Variants in PEAK1 observed in about 807,000 individuals in gnomAD.
PEAK1 encodes the protein inactive tyrosine-protein kinase PEAK1.
PEAK1 carries 54 observed loss-of-function variants against 124.7 expected under a neutral mutation model. That is an observed-to-expected ratio of 0.43 (90% CI 0.35 to 0.54). PEAK1 has a LOEUF of 0.54. PEAK1 is among the 20% of genes least tolerant of loss of function. The pLI is 0.01. For missense variants in PEAK1, 2,046 were observed against 2,134.5 expected (o/e 0.96, Z 0.82); for synonymous variants, 719 against 760.0 (o/e 0.95, Z 0.89).
At chr15:77,376,938 A>G (rs1430100721) in intron 1 of PEAK1, among the ~76,000 whole-genome samples, 1 of 152,222 alleles carries the variant, frequency 6.6e-6, no homozygotes, top group Non-Finnish European at 1.5e-5. Context: ...CATTGTGCAA[A>G]CATCGTAGAC....
chr15:77,323,259 CAT>C (rs1339179573), intron 2 of PEAK1, among the ~76,000 whole-genome samples: 9 of 152,052 alleles, frequency 5.9e-5, no homozygotes, highest in Admixed American at 5.9e-4. Flanking sequence ...TCCTATTCAA[CAT>C]AGTGTTGGAA....
intron 1 of PEAK1, among the ~76,000 whole-genome samples, chr15:77,387,207 A>G (rs1307537339): frequency 2.0e-5 from 3 of 152,190 alleles, no homozygotes; most frequent in African/African-American, 7.2e-5. Context: ...GCTCCCTTAA[A>G]TTAATAAGTT....
chr15:77,174,721 T>A (rs1284279840), intron 7 of PEAK1, among the ~76,000 whole-genome samples: 6 of 152,184 alleles, frequency 3.9e-5, no homozygotes, highest in African/African-American at 1.4e-4. Context: ...AAGCTACCAA[T>A]GACTTTCTTC....
At chr15:77,290,860 G>A (rs528953324) in intron 2 of PEAK1, among the ~76,000 whole-genome samples, 92 of 152,266 alleles carry the variant, frequency 6.0e-4, no homozygotes, top group South Asian at 1.5e-3. Context: ...TACAGAATCA[G>A]TCAGAAGAAG....
chr15:77,320,903 T>G (rs1444679103), intron 2 of PEAK1, among the ~76,000 whole-genome samples: 1 of 151,776 alleles, frequency 6.6e-6, no homozygotes, highest in South Asian at 2.1e-4. Context: ...AGTGAGAGCA[T>G]GCGGTGTTTG....
At position 77,334,284 on chromosome 15, in the gene PEAK1, T is replaced by G. The variant is rs1430080604; in HGVS notation, c.-603+30879A>C. On this transcript the variant is annotated intron_variant, in intron 2 of 9. Coordinates refer to ENST00000682557, the MANE Select transcript of PEAK1 (RefSeq NM_001385026.1). ...CCTAGATTTTCTGGTAGATCACTTG[T>G]GCATAATAGTAATGCTGTCTTCTCT... 1.0e-5 allele frequency: 10 copies of G among 985,060 alleles called. No homozygotes were observed. In the East Asian group the frequency reaches 4.5e-4, roughly 45 times the overall value. The allele number at this position is 985,060 out of a possible 1,614,324, so 61.0% of individuals were successfully genotyped here.
intron 6 of PEAK1, among the ~76,000 whole-genome samples, chr15:77,230,237 T>C (rs2059851957): frequency 6.6e-6 from 1 of 151,996 alleles, no homozygotes; most frequent in African/African-American, 2.4e-5. Context: ...TCTTGATCTG[T>C]TGCCCAGGCT....
At chr15:77,207,680 G>A (rs959187961) in intron 6 of PEAK1, among the ~76,000 whole-genome samples, 1 of 152,148 alleles carries the variant, frequency 6.6e-6, no homozygotes. Context: ...AAGGGGGAAC[G>A]GAGGAATGAA....
rs566254089 is a variant in PEAK1, at chr15:77,321,229, C to T, written c.-602-34725G>A. 2.1e-4 allele frequency among the ~76,000 whole-genome samples: 32 copies of T among 152,304 alleles called. 1 individual carries two copies. In the South Asian group the frequency reaches 5.4e-3, roughly 26 times the overall value. On this transcript the variant is annotated intron_variant, in intron 2 of 9. Transcript: ENST00000682557. ...TTCTAGTTCTAGAGCCCTGAGGCAT[C>T]GCCATACTGACTTCCACAATGGTTG...
At chr15:77,382,803 T>C (rs1465205258) in intron 1 of PEAK1, among the ~76,000 whole-genome samples, 1 of 152,110 alleles carries the variant, frequency 6.6e-6, no homozygotes, top group African/African-American at 2.4e-5. Flanking sequence ...TAAAGGGGAA[T>C]CCAAATGAAA....
At chr15:77,210,628 C>T (rs1204666214) in intron 6 of PEAK1, among the ~76,000 whole-genome samples, 3 of 152,086 alleles carry the variant, frequency 2.0e-5, no homozygotes, top group Admixed American at 6.5e-5. Flanking sequence ...GCCTGTAATC[C>T]CAACACTTTG....
At chr15:77,129,724 G>A (rs1357192210) in intron 9 of PEAK1, among the ~76,000 whole-genome samples, 2 of 152,014 alleles carry the variant, frequency 1.3e-5, no homozygotes, top group Non-Finnish European at 2.9e-5. Context: ...GAGATTACAG[G>A]CGTGAGCCAC....
rs570282431 is a variant in PEAK1, at chr15:77,387,837, G to A, written c.-665-22612C>T. On this transcript the variant is annotated intron_variant, in intron 1 of 9. Coordinates refer to ENST00000682557, the MANE Select transcript of PEAK1 (RefSeq NM_001385026.1). Reference sequence around the variant, plus strand: ...AAGGAAGAACTACCAGACTTGGTTAGATATAAAGATGAAGCACTCAATGAA... The same window carrying A: ...AAGGAAGAACTACCAGACTTGGTTAAATATAAAGATGAAGCACTCAATGAA... Among the ~76,000 whole-genome samples, 456 of 152,312 alleles carry A rather than the reference G, an allele frequency of 3.0e-3. 1 individual carries two copies. Among genetic ancestry groups the A allele is most frequent in the African/African-American group, 0.011 (443 of 41,564 alleles).
intron 1 of PEAK1, among the ~76,000 whole-genome samples, chr15:77,415,770 G>T (rs1250272286): frequency 6.6e-6 from 1 of 151,982 alleles, no homozygotes; most frequent in African/African-American, 2.4e-5. Flanking sequence ...CTACGCCCTG[G>T]ATCCCATTCC....
intron 5 of PEAK1, among the ~76,000 whole-genome samples, chr15:77,274,303 C>T (rs1043347463): frequency 1.1e-4 from 17 of 152,000 alleles, no homozygotes; most frequent in Non-Finnish European, 1.6e-4. Context: ...AAAGCTTCTG[C>T]ACAGCAAAAG....
intron 1 of PEAK1, among the ~76,000 whole-genome samples, chr15:77,387,361 G>A (rs1311135873): frequency 2.0e-5 from 3 of 152,136 alleles, no homozygotes; most frequent in Admixed American, 6.5e-5. Flanking sequence ...ATTTTGTAGG[G>A]TAAGAATTCC....
intron 2 of PEAK1, chr15:77,345,868 C>A (rs779403883): frequency 1.1e-6 from 1 of 947,554 alleles, no homozygotes; most frequent in Non-Finnish European, 1.3e-6. Flanking sequence ...ATATGTACAA[C>A]AATTACATAT....
At chr15:77,172,631 TATTTTTCTTTGAG>T (rs907346366) in intron 7 of PEAK1, among the ~76,000 whole-genome samples, 1 of 152,202 alleles carries the variant, frequency 6.6e-6, no homozygotes, top group Non-Finnish European at 1.5e-5. Flanking sequence ...ATTTCACAAG[TATTTTTCTTTGAG>T]AAAACCATCA....
At chr15:77,243,962 C>T (rs1489492598) in intron 6 of PEAK1, among the ~76,000 whole-genome samples, 1 of 149,790 alleles carries the variant, frequency 6.7e-6, no homozygotes, top group Non-Finnish European at 1.5e-5. Flanking sequence ...AAGTGAAACT[C>T]TTTCTCAAAA....
Sources: allele counts gnomAD v4.1 joint callset (sites outside exome capture counted in the v4.1 genomes callset), GRCh38; gene constraint gnomAD v4.1.1; transcripts MANE v1.5; gene names NCBI Gene and HGNC (gene_info 2026-07-23, HGNC 2026-07-21).